The following TENT2 variants were observed in gnomAD, a reference collection of about 807,000 sequenced individuals.
TENT2 encodes the protein poly(A) RNA polymerase GLD2.
In TENT2, 44 loss-of-function variants were observed where a neutral mutation model predicts 72.2. The observed-to-expected ratio is 0.61, with a 90% CI of 0.48 to 0.78. The LOEUF (loss-of-function observed/expected upper bound fraction) is 0.78. Among genes scored for constraint, TENT2 ranks in the 30% least tolerant of loss-of-function variants. The probability of loss-of-function intolerance (pLI) is 0.00; values close to 1 mark genes in which losing one functional copy is unlikely to be tolerated. For missense variants in TENT2, 541 were observed against 569.6 expected (o/e 0.95, Z 0.51); for synonymous variants, 212 against 192.5 (o/e 1.10, Z -0.84).
At chr5:79,622,351 G>A (rs895722068) in intron 3 of TENT2, among the ~76,000 whole-genome samples, 2 of 151,546 alleles carry the variant, frequency 1.3e-5, no homozygotes, top group Non-Finnish European at 2.9e-5. Flanking sequence ...AAAAGGAATC[G>A]GGCCATTTTC....
At chr5:79,643,815 C>G (rs576573003) in intron 7 of TENT2, among the ~76,000 whole-genome samples, 1 of 151,164 alleles carries the variant, frequency 6.6e-6, no homozygotes, top group African/African-American at 2.4e-5. Context: ...TTTTCTTTTT[C>G]TTTTGGTTAT....
intron 14 of TENT2, among the ~76,000 whole-genome samples, chr5:79,682,446 ATT>A (rs397961608): frequency 6.6e-5 from 9 of 136,264 alleles, no homozygotes; most frequent in Admixed American, 7.5e-5. Flanking sequence ...CACCCAGCTA[ATT>A]TTTTTTTTTT....
At chr5:79,659,986 C>T (rs1801493668) in intron 11 of TENT2, among the ~76,000 whole-genome samples, 2 of 151,890 alleles carry the variant, frequency 1.3e-5, no homozygotes, top group Admixed American at 6.6e-5. Context: ...ACAAAGGAAA[C>T]CGCGGAGTTC....
chr5:79,635,985 G>A (rs769170612), intron 4 of TENT2, among the ~76,000 whole-genome samples: 12 of 152,174 alleles, frequency 7.9e-5, no homozygotes, highest in African/African-American at 2.4e-4. Context: ...ATTTAGGCAC[G>A]TGGGCTATGT....
chr5:79,673,847 G>A (rs750078212), intron 12 of TENT2, among the ~76,000 whole-genome samples: 1 of 151,856 alleles, frequency 6.6e-6, no homozygotes, highest in Admixed American at 6.6e-5. Flanking sequence ...GGTATTTAAC[G>A]CTATGAAACT....
At chr5:79,624,429 T>A (rs1278637074) in intron 4 of TENT2, among the ~76,000 whole-genome samples, 1 of 152,224 alleles carries the variant, frequency 6.6e-6, no homozygotes, top group Non-Finnish European at 1.5e-5. Context: ...TTTTTTAATT[T>A]AGTTATAATT....
At chr5:79,640,548 A>G (rs1783659119) in intron 4 of TENT2, among the ~76,000 whole-genome samples, 2 of 152,218 alleles carry the variant, frequency 1.3e-5, no homozygotes, top group South Asian at 2.1e-4. Context: ...CTCAGGGGCC[A>G]TACTAATAAA....
Position 79,669,177 on chromosome 5 carries a change from A to C in TENT2, c.1208+149A>C. On this transcript the variant is annotated intron_variant, in intron 12 of 14. Coordinates refer to ENST00000453514, the MANE Select transcript of TENT2 (RefSeq NM_001114394.3). ...TCCAGTGTTGTAAAGTTGTCCAGAA[A>C]TGTATAGTTTATAAAATTTCCTATG... 3.0e-6 allele frequency: 3 copies of C among 993,446 alleles called. No homozygotes were observed. In the East Asian group the frequency reaches 8.0e-5, roughly 26 times the overall value. 61.5% of individuals were successfully genotyped at this position (993,446 alleles called of 1,614,324 possible). A position where few individuals can be genotyped will look rare whatever the true frequency, so the allele number is the denominator to read the frequency against.
intron 4 of TENT2, among the ~76,000 whole-genome samples, chr5:79,631,302 T>G (rs190136885): frequency 6.6e-6 from 1 of 152,324 alleles, no homozygotes; most frequent in Non-Finnish European, 1.5e-5. Flanking sequence ...CTACAGCTGG[T>G]GGCCTCATTT....
chr5:79,614,257 T>C (rs1275484169), intron 1 of TENT2, among the ~76,000 whole-genome samples: 1 of 151,880 alleles, frequency 6.6e-6, no homozygotes, highest in East Asian at 1.9e-4. Flanking sequence ...CACGTGCCAC[T>C]ATGCTTGGCT....
At chr5:79,671,783 C>A (rs1051173667) in intron 12 of TENT2, among the ~76,000 whole-genome samples, 5 of 152,014 alleles carry the variant, frequency 3.3e-5, no homozygotes, top group Non-Finnish European at 7.4e-5. Context: ...ATAAATGTTG[C>A]AGAAGTTTTA....
intron 11 of TENT2, among the ~76,000 whole-genome samples, chr5:79,662,398 A>G (rs1455324325): frequency 6.6e-6 from 1 of 152,150 alleles, no homozygotes; most frequent in African/African-American, 2.4e-5. Flanking sequence ...ACTCCTTTCC[A>G]GAAAGCTTTC....
At chr5:79,681,150 ATTTTTTTTTTTTTT>A (rs1158559796) in intron 13 of TENT2, among the ~76,000 whole-genome samples, 2 of 44,738 alleles carry the variant, frequency 4.5e-5, no homozygotes, top group African/African-American at 1.7e-4. Context: ...CTTTTCTTTG[ATTTTTTTTTTTTTT>A]TTTTTTTTTT....
chr5:79,657,918 AACTT>A (rs1393100112), intron 11 of TENT2, among the ~76,000 whole-genome samples: 1 of 152,244 alleles, frequency 6.6e-6, no homozygotes, highest in Admixed American at 6.5e-5. Context: ...ATTTTCAAAA[AACTT>A]ATTTATTGTG....
chr5:79,680,847 G>A (rs936381340), intron 13 of TENT2, among the ~76,000 whole-genome samples: 2 of 151,910 alleles, frequency 1.3e-5, no homozygotes, highest in African/African-American at 4.8e-5. Context: ...ACCTACTGCT[G>A]GCATTATTTA....
At position 79,621,769 on chromosome 5, in the gene TENT2, A is replaced by AC. The variant is rs201188026; in HGVS notation, c.228-1483_228-1482insC. The stretch of plus-strand genomic sequence containing the variant: ...CGAGACTCTATCTCAAAAAAAAAAA[A>AC]AAACAAAAAAAACAAAACTCCATTA... On this transcript the variant is annotated intron_variant, in intron 3 of 14. Transcript: ENST00000453514. 1.5e-3 allele frequency among the ~76,000 whole-genome samples: 221 copies of AC among 151,616 alleles called. 1 individual carries two copies. Among genetic ancestry groups the AC allele is most frequent in the African/African-American group, 5.2e-3 (213 of 41,276 alleles).
chr5:79,680,828 G>A (rs923631543), intron 13 of TENT2, among the ~76,000 whole-genome samples: 2 of 152,098 alleles, frequency 1.3e-5, no homozygotes, highest in East Asian at 3.9e-4. Context: ...TTAATTTCTA[G>A]TAATGTTTAC....
intron 3 of TENT2, among the ~76,000 whole-genome samples, chr5:79,622,428 A>G (rs1201678325): frequency 1.3e-5 from 2 of 152,218 alleles, no homozygotes; most frequent in Non-Finnish European, 2.9e-5. Flanking sequence ...TTTTTTCCCA[A>G]CAAATACTTA....
chr5:79,681,605 A>G (rs1191599685), intron 13 of TENT2: 1 of 156,324 alleles, frequency 6.4e-6, no homozygotes, highest in African/African-American at 2.4e-5. Context: ...GATATTTAAC[A>G]TTAACTGCCT....
Sources: allele counts gnomAD v4.1 joint callset (sites outside exome capture counted in the v4.1 genomes callset), GRCh38; gene constraint gnomAD v4.1.1; transcripts MANE v1.5; gene names NCBI Gene and HGNC (gene_info 2026-07-23, HGNC 2026-07-21).